The following ZNF599 variants were observed in gnomAD, a reference collection of about 807,000 sequenced individuals.
The protein encoded by ZNF599 is zinc finger protein 599.
A neutral mutation model predicts 11.7 loss-of-function variants in ZNF599; 10 were observed. The ratio of observed to expected loss-of-function variants is 0.86; its 90% CI spans 0.53 to 1.45. The LOEUF is 1.45. ZNF599 is among the 40% of genes most tolerant of loss of function. The probability of loss-of-function intolerance (pLI) is 0.00; values close to 1 mark genes in which losing one functional copy is unlikely to be tolerated. For synonymous variants in ZNF599, 232 were observed against 253.2 expected (o/e 0.92, Z 0.79); for missense variants, 688 against 713.6 (o/e 0.96, Z 0.41).
chr19:34,781,713 C>T, the ZNF599 span, among the ~76,000 whole-genome samples: 5 of 152,192 alleles, frequency 3.3e-5, no homozygotes, highest in Admixed American at 1.3e-4. Context: ...TCCATAAGCA[C>T]CCTCCAGCAG....
chr19:34,779,353 G>A, the ZNF599 span: 3 of 326,976 alleles, frequency 9.2e-6, no homozygotes, highest in South Asian at 2.4e-5. Flanking sequence ...CTACTGCCTT[G>A]GCCACCCTAA....
At position 34,760,087 on chromosome 19, in the gene ZNF599, A is replaced by G. The variant is rs569799123; in HGVS notation, c.714T>C (p.Tyr238=). ...TCATATGTCGAATGACATCAGCCAT[A>G]TAACGACAGGCTTTCCCACACTCAT... ...ECNECGKACR[Y]MADVIRHMRL... Residue 238 remains tyrosine, a synonymous_variant, in exon 4 of 4, where the codon TAT becomes TAC. Transcript: ENST00000329285. 6.2e-6 allele frequency: 10 copies of G among 1,614,032 alleles called. No homozygotes were observed. The highest frequency in any genetic ancestry group is 2.2e-5 in the East Asian group (1 of 44,882).
the ZNF599 span, among the ~76,000 whole-genome samples, chr19:34,787,024 T>C: frequency 6.6e-6 from 1 of 152,108 alleles, no homozygotes; most frequent in East Asian, 1.9e-4. Context: ...CACCAAAACC[T>C]AGTGAATCAG....
At chr19:34,789,469 C>A in the ZNF599 span, among the ~76,000 whole-genome samples, 6 of 152,176 alleles carry the variant, frequency 3.9e-5, no homozygotes, top group African/African-American at 1.4e-4. Context: ...ACATTACCAC[C>A]AACAGTATGG....
In ZNF599 at chr19:34,760,200, A is replaced by C. The variant is rs1257397470; in HGVS notation, c.601T>G (p.Cys201Gly). The change falls in exon 4 of 4, where the codon TGC becomes GGC. Residue 201 changes from cysteine (C) to glycine (G), a missense_variant. By Grantham distance (159) the Cys-to-Gly change is radical. Transcript: ENST00000329285. Reference sequence around the variant, plus strand: ...CTAAACCCTTTCCCACATTCCGTGCATGTGTAAGGGTTATTCCTTGCATCA... The same window carrying C: ...CTAAACCCTTTCCCACATTCCGTGCCTGTGTAAGGGTTATTCCTTGCATCA... ...MTDARNNPYTCTECGKGFSKK... is the reference protein window; with the variant it reads ...MTDARNNPYTGTECGKGFSKK... 2.5e-6 allele frequency: 4 copies of C among 1,614,018 alleles called. No homozygotes were observed. Among genetic ancestry groups the C allele is most frequent in the Non-Finnish European group, 3.4e-6 (4 of 1,180,010 alleles).
intron 3 of ZNF599, chr19:34,765,019 A>C (rs1031023854): frequency 6.6e-6 from 1 of 151,636 alleles, no homozygotes; most frequent in African/African-American, 2.4e-5. Context: ...CAATATGTAG[A>C]TGCTGCTGGA....
intron 2 of ZNF599, among the ~76,000 whole-genome samples, chr19:34,769,083 G>A (rs2069164574): frequency 6.6e-6 from 1 of 152,220 alleles, no homozygotes; most frequent in African/African-American, 2.4e-5. Flanking sequence ...CCCGCTGCTT[G>A]TAGAACCTCC....
At chr19:34,780,911 C>T in the ZNF599 span, among the ~76,000 whole-genome samples, 59 of 151,994 alleles carry the variant, frequency 3.9e-4, no homozygotes, top group Non-Finnish European at 7.2e-4. Context: ...AATCCCAGCA[C>T]TTTGGGAGGC....
chr19:34,780,952 C>A, the ZNF599 span, among the ~76,000 whole-genome samples: 1 of 151,928 alleles, frequency 6.6e-6, no homozygotes, highest in East Asian at 1.9e-4. Flanking sequence ...GTCAGGAGAT[C>A]GAGACCATCG....
chr19:34,787,541 A>C, the ZNF599 span, among the ~76,000 whole-genome samples: 1 of 152,206 alleles, frequency 6.6e-6, no homozygotes, highest in African/African-American at 2.4e-5. Context: ...TGAGAACATC[A>C]CAGCTAATTG....
rs942160047 is a variant in ZNF599, at chr19:34,758,169, T to C, written c.*865A>G. The C allele has an allele frequency of 1.3e-5, 2 of 152,124 alleles. No homozygotes were observed. Among genetic ancestry groups the C allele is most frequent in the African/African-American group, 2.4e-5 (1 of 41,424 alleles). 9.4% of individuals were successfully genotyped at this position (152,124 alleles called of 1,614,324 possible). ...AAACAAACAAACAAACAAATACCCA[T>C]AGAAGAAGGTTATGTGTTGACTGGT... On this transcript the variant is annotated 3_prime_UTR_variant, in exon 4 of 4. Transcript: ENST00000329285.
At chr19:34,792,750 C>T in the ZNF599 span, among the ~76,000 whole-genome samples, 1 of 152,022 alleles carries the variant, frequency 6.6e-6, no homozygotes, top group South Asian at 2.1e-4. Flanking sequence ...GTAGTCCCAG[C>T]TACTCGGGAG....
At chr19:34,781,278 G>C in the ZNF599 span, among the ~76,000 whole-genome samples, 1 of 152,028 alleles carries the variant, frequency 6.6e-6, no homozygotes, top group Non-Finnish European at 1.5e-5. Context: ...AGAGAAGAAA[G>C]AACGAAAGAA....
At chr19:34,762,956 CAAAGAT>C (rs1334964836) in intron 3 of ZNF599, 1 of 151,904 alleles carries the variant, frequency 6.6e-6, no homozygotes, top group Non-Finnish European at 1.5e-5. Flanking sequence ...AATGGGAAGA[CAAAGAT>C]AAAGTAGGCA....
rs1452102744 is a variant in ZNF599 at position 34,772,421 on chromosome 19, GACCT to G, written c.18+399_18+402del. The G allele has an allele frequency of 6.8e-6, 7 of 1,036,872 alleles. No homozygotes were observed. In the African/African-American group the frequency reaches 1.2e-4, roughly 18 times the overall value. 64.2% of individuals were successfully genotyped at this position (1,036,872 alleles called of 1,614,324 possible). A position where few individuals can be genotyped will look rare whatever the true frequency, so the allele number is the denominator to read the frequency against. ...GAATGATCCCCTAAAACAACAGCAG[GACCT>G]AGAGAGTCCTTCTTCAAAGACGGCA... On this transcript the variant is annotated intron_variant, in intron 1 of 3. Coordinates refer to ENST00000329285, the MANE Select transcript of ZNF599 (RefSeq NM_001007248.3).
chr19:34,769,519 TGAA>T lies in ZNF599; in HGVS notation c.52_54del (p.Phe18del), dbSNP rs776303694. On this transcript the variant is annotated inframe_deletion, in exon 2 of 4. Coordinates refer to ENST00000329285, the MANE Select transcript of ZNF599 (RefSeq NM_001007248.3). ...TCCAGGTGCCCCCATTCCTCTCCAGTGAAGGTCACAACCACGTCTTCAAATGAT... is the reference window on the plus strand; with the variant it reads ...TCCAGGTGCCCCCATTCCTCTCCAGTGGTCACAACCACGTCTTCAAATGAT... 3.1e-6 allele frequency: 5 copies of T among 1,614,018 alleles called. No individual in the cohort carries two copies. In the Admixed American group the frequency reaches 6.7e-5, roughly 22 times the overall value.
chr19:34,768,703 T>G (rs778005167), intron 2 of ZNF599, among the ~76,000 whole-genome samples: 33 of 152,240 alleles, frequency 2.2e-4, no homozygotes, highest in Admixed American at 1.5e-3. Flanking sequence ...AAGTTCCTGC[T>G]GCCTGCTTGA....
upstream of ZNF599, among the ~76,000 whole-genome samples, chr19:34,776,405 C>A (rs1270474761): frequency 2.6e-5 from 4 of 152,154 alleles, no homozygotes; most frequent in Non-Finnish European, 4.4e-5. Flanking sequence ...ATTATTTTCC[C>A]ACATTAAATA....
At chr19:34,767,243 A>C (rs1830214517) in intron 3 of ZNF599, 73 bp downstream of exon 3, 1 of 1,214,644 alleles carries the variant, frequency 8.2e-7, no homozygotes, top group Non-Finnish European at 1.2e-6. Flanking sequence ...TGCCCATGGC[A>C]TTTCAGACAC....
Sources: gnomAD v4.1 joint callset for allele counts (sites outside exome capture counted in the v4.1 genomes callset) on GRCh38, gnomAD v4.1.1 for gene constraint, MANE v1.5 for transcripts, NCBI Gene and HGNC (gene_info 2026-07-23, HGNC 2026-07-21) for gene names.